The following GLE1 variants were observed in gnomAD, a reference collection of about 807,000 sequenced individuals.
The protein encoded by GLE1 is mRNA export factor GLE1.
In GLE1, 78 loss-of-function variants were observed where a neutral mutation model predicts 97.3. The ratio of observed to expected loss-of-function variants is 0.80; its 90% CI spans 0.67 to 0.97. The LOEUF is 0.97. Ranked by LOEUF, GLE1 falls within the 50% of genes least tolerant of loss-of-function variation. The pLI, the probability that GLE1 is intolerant of heterozygous loss-of-function variation, is 0.00. For missense variants in GLE1, 753 were observed against 857.5 expected, an observed-to-expected ratio of 0.88 and a Z score of 1.52; for synonymous variants, 302 against 313.4, an observed-to-expected ratio of 0.96 and a Z score of 0.39.
chr9:128,509,010 C>T lies in GLE1; in HGVS notation c.234C>T (p.Ala78=). ...ETSPSSTSAS[A]LDQPSFVPKS... ...CGCCATCCTCTACGTCAGCTTCAGC[C>T]CTAGATCAACCCTCATTTGTTCCCA... Residue 78 remains alanine (A), a synonymous_variant, in exon 2 of 16, where the codon GCC becomes GCT. Transcript: ENST00000309971. The T allele has an allele frequency of 6.2e-7, 1 of 1,613,522 alleles. No individual in the cohort carries two copies. The highest frequency in any genetic ancestry group is 8.5e-7 in the Non-Finnish European group (1 of 1,179,452).
In GLE1 at chr9:128,540,320, C is replaced by T; in HGVS notation, c.2010C>T (p.Arg670=). ...TSSGQMGSFI[R]LKQFLEKCLQ... is the part of the protein sequence containing the mutation. Reference sequence around the variant, plus strand: ...CAGGACAGATGGGCTCCTTCATACGCCTCAAGCAGTTCTTGGAGGTAAGAT... The same window carrying T: ...CAGGACAGATGGGCTCCTTCATACGTCTCAAGCAGTTCTTGGAGGTAAGAT... The change falls in exon 15 of 16, where the codon CGC becomes CGT. Residue 670 remains arginine (R), a synonymous_variant. Coordinates refer to ENST00000309971, the MANE Select transcript of GLE1 (RefSeq NM_001003722.2). The T allele has an allele frequency of 6.2e-7, 1 of 1,609,088 alleles. No homozygotes were observed. The highest frequency in any genetic ancestry group is 8.5e-7 in the Non-Finnish European group (1 of 1,175,432).
chr9:128,523,515 C>A, intron 5 of GLE1, 77 bp from the exon 6 acceptor site: 1 of 1,560,382 alleles, frequency 6.4e-7, no homozygotes, highest in African/African-American at 1.4e-5. Context: ...ATATGTAGCC[C>A]ACGTAGAATT....
Position 128,533,583 on chromosome 9 carries a change from G to A in GLE1, c.1383G>A (p.Gly461=). ...LLSGKPVQSG[G]RSVSVTLNPQ... Reference sequence around the variant, plus strand: ...CTGGAAAACCTGTTCAATCTGGTGGGCGCTCTGTGTCTGTCACACTTAACC... The same window carrying A: ...CTGGAAAACCTGTTCAATCTGGTGGACGCTCTGTGTCTGTCACACTTAACC... The change falls in exon 10 of 16, where the codon GGG becomes GGA. Residue 461 remains glycine, a synonymous_variant. Coordinates refer to ENST00000309971, the MANE Select transcript of GLE1 (RefSeq NM_001003722.2). 6.2e-7 allele frequency: 1 copy of A among 1,613,790 alleles called. No individual in the cohort carries two copies. The highest frequency in any genetic ancestry group is 8.5e-7 in the Non-Finnish European group (1 of 1,179,716).
intron 7 of GLE1, among the ~76,000 whole-genome samples, chr9:128,526,584 C>T (rs1430624832): frequency 6.6e-6 from 1 of 152,038 alleles, no homozygotes; most frequent in Non-Finnish European, 1.5e-5. Flanking sequence ...GTTTCGAACT[C>T]CCGACCTCAG....
chr9:128,538,280 T>C (rs1211029979), intron 13 of GLE1, among the ~76,000 whole-genome samples, 190 bp downstream of exon 13: 1 of 152,214 alleles, frequency 6.6e-6, no homozygotes, highest in African/African-American at 2.4e-5. Context: ...CTATATTTAC[T>C]TGGCTTCTCT....
chr9:128,522,528 C>T (rs1847179415), intron 3 of GLE1, 140 bp from the exon 4 acceptor site: 2 of 865,254 alleles, frequency 2.3e-6, no homozygotes, highest in Admixed American at 2.8e-5. Flanking sequence ...TGGCAGGCAC[C>T]TGTAGTCCCA....
chr9:128,525,598 G>A (rs112769587), intron 7 of GLE1, among the ~76,000 whole-genome samples, 175 bp downstream of exon 7: 31 of 152,284 alleles, frequency 2.0e-4, no homozygotes, highest in Non-Finnish European at 2.2e-4. Flanking sequence ...AACACTTTGC[G>A]TGAGGACTTG....
chr9:128,535,250 G>A (rs1157763863), intron 11 of GLE1, among the ~76,000 whole-genome samples: 19 of 143,756 alleles, frequency 1.3e-4, no homozygotes, highest in Middle Eastern at 4.4e-3. Context: ...GGTGGCTCAC[G>A]CCTGTAATCC....
intron 9 of GLE1, among the ~76,000 whole-genome samples, chr9:128,532,311 GC>G (rs1564155945): frequency 7.3e-6 from 1 of 136,158 alleles, no homozygotes; most frequent in Non-Finnish European, 1.5e-5. Flanking sequence ...TGTAACCTGC[GC>G]TTCCTGGGTT....
chr9:128,526,803 G>A (rs1372658570), intron 7 of GLE1, among the ~76,000 whole-genome samples: 1 of 152,022 alleles, frequency 6.6e-6, no homozygotes, highest in Non-Finnish European at 1.5e-5. Flanking sequence ...CCAAGTAACT[G>A]GGACTACAGG....
intron 7 of GLE1, among the ~76,000 whole-genome samples, chr9:128,526,384 T>TTTGCTC (rs2132469322): frequency 6.6e-6 from 1 of 151,658 alleles, no homozygotes; most frequent in East Asian, 1.9e-4. Flanking sequence ...GAGACAGAGT[T>TTTGCTC]TTGCTCTTGT....
chr9:128,539,049 A>T (rs1185755316), intron 13 of GLE1, among the ~76,000 whole-genome samples: 4 of 152,076 alleles, frequency 2.6e-5, no homozygotes, highest in African/African-American at 4.8e-5. Context: ...AAGACCAGCC[A>T]GGGCAATATG....
chr9:128,507,245 C>T (rs1054126580), intron 1 of GLE1, among the ~76,000 whole-genome samples: 1 of 151,872 alleles, frequency 6.6e-6, no homozygotes, highest in Non-Finnish European at 1.5e-5. Flanking sequence ...GCCCATAATC[C>T]CAACACTTTG....
intron 11 of GLE1, among the ~76,000 whole-genome samples, chr9:128,534,613 C>T (rs959604599): frequency 2.6e-5 from 4 of 152,018 alleles, no homozygotes; most frequent in African/African-American, 7.2e-5. Context: ...GTGAATTTAC[C>T]TCATGGCTTA....
At position 128,515,801 on chromosome 9, in the gene GLE1, CAA is replaced by C. The variant is rs112513418; in HGVS notation, c.432+163_432+164del. Reference sequence around the variant, plus strand: ...AGGTCAGGAGTGAGTGCTCTGAAGTCAAGTCTGGTTTCAGATCCTGGCTGTTA... The same window carrying C: ...AGGTCAGGAGTGAGTGCTCTGAAGTCGTCTGGTTTCAGATCCTGGCTGTTA... On this transcript the variant is annotated intron_variant, in intron 3 of 15. Transcript: ENST00000309971. Among the ~76,000 whole-genome samples the C allele has an allele frequency of 4.8e-3, 733 of 152,274 alleles. 5 individuals carry two copies. The highest frequency in any genetic ancestry group is 0.017 in the African/African-American group (696 of 41,552).
intron 4 of GLE1, 97 bp downstream of exon 4, chr9:128,522,913 A>T: frequency 7.2e-7 from 1 of 1,386,920 alleles, no homozygotes; most frequent in Admixed American, 1.8e-5. Context: ...ACAACTTCTG[A>T]GTCCTTAAAT....
chr9:128,526,567 C>G (rs1052306321), intron 7 of GLE1, among the ~76,000 whole-genome samples: 20 of 152,040 alleles, frequency 1.3e-4, no homozygotes, highest in African/African-American at 4.3e-4. Context: ...CCATGTTGGT[C>G]AGGCTGGTTT....
chr9:128,505,739 G>C (rs1437418515), intron 1 of GLE1, among the ~76,000 whole-genome samples: 2 of 152,124 alleles, frequency 1.3e-5, no homozygotes, highest in African/African-American at 4.8e-5. Context: ...TTATCTGCCT[G>C]GTCTCTCCGT....
At position 128,515,639 on chromosome 9, in the gene GLE1, A is replaced by C. The variant is rs143432034; in HGVS notation, c.432A>C (p.Thr144=). The change falls in exon 3 of 16, where the codon ACA becomes ACC. Residue 144 remains threonine, a splice_region_variant and synonymous_variant. Coordinates refer to ENST00000309971, the MANE Select transcript of GLE1 (RefSeq NM_001003722.2). Reference sequence around the variant, plus strand: ...AACTGGTACACAGAATGAAAGGAACAGTAAGTGAACCCATGAAGGAAGGCA... The same window carrying C: ...AACTGGTACACAGAATGAAAGGAACCGTAAGTGAACCCATGAAGGAAGGCA... The part of the protein sequence containing the change: ...MYELVHRMKG[T]EGLRLWQEEQ... 6.6e-7 allele frequency: 1 copy of C among 1,520,374 alleles called. No homozygotes were observed. The highest frequency in any genetic ancestry group is 9.1e-7 in the Non-Finnish European group (1 of 1,094,754). The allele number at this position is 1,520,374 out of a possible 1,614,324, so 94.2% of individuals were successfully genotyped here. A position where few individuals can be genotyped will look rare whatever the true frequency, so the allele number is the denominator to read the frequency against.
Sources: gnomAD v4.1 joint callset for allele counts (sites outside exome capture counted in the v4.1 genomes callset) on GRCh38, gnomAD v4.1.1 for gene constraint, MANE v1.5 for transcripts, NCBI Gene and HGNC (gene_info 2026-07-23, HGNC 2026-07-21) for gene names.